Variants in CADM3 observed in about 807,000 individuals in gnomAD.
CADM3 encodes the protein cell adhesion molecule 3.
Under a neutral mutation model 44.9 loss-of-function variants are expected in CADM3, and 11 were observed. The ratio of observed to expected loss-of-function variants is 0.25; its 90% CI spans 0.15 to 0.41. The LOEUF (loss-of-function observed/expected upper bound fraction) is 0.41. Among genes scored for constraint, CADM3 ranks in the 10% least tolerant of loss-of-function variants. The probability of loss-of-function intolerance (pLI) is 1.00; values close to 1 mark genes in which losing one functional copy is unlikely to be tolerated. For synonymous variants in CADM3, 207 were observed against 205.2 expected (o/e 1.01, Z -0.08); for missense variants, 426 against 512.0 (o/e 0.83, Z 1.62).
At chr1:159,192,517 G>C in intron 2 of CADM3, 61 bp from the exon 3 acceptor site, 1 of 1,606,638 alleles carries the variant, frequency 6.2e-7, no homozygotes, top group Non-Finnish European at 8.5e-7. Context: ...GCCTGGGATT[G>C]GAAGGTAAAC....
chr1:159,186,828 G>A (rs2102111989), intron 1 of CADM3, among the ~76,000 whole-genome samples: 1 of 152,218 alleles, frequency 6.6e-6, no homozygotes, highest in East Asian at 1.9e-4. Flanking sequence ...GAAAAAAAAA[G>A]CCACCTCTTA....
rs1423858886 is a variant in CADM3, at chr1:159,192,637, A to G, written c.289A>G (p.Ile97Val). The G allele has an allele frequency of 6.2e-7, 1 of 1,614,208 alleles. No homozygotes were observed. The highest frequency in any genetic ancestry group is 8.5e-7 in the Non-Finnish European group (1 of 1,180,032). ...TACGCCCCACGAGCTCAGCATCAGC[A>G]TCAGCAATGTGGCCCTGGCAGACGA... ...TSTPHELSIS[I>V]SNVALADEGE... Residue 97 changes from isoleucine (I) to valine (V), a missense_variant, in exon 3 of 9, where the codon ATC becomes GTC. Physicochemically the swap from Ile to Val is conservative, Grantham distance 29 (BLOSUM62 3). Transcript: ENST00000368125.
At chr1:159,186,965 A>C (rs1175393488) in intron 1 of CADM3, among the ~76,000 whole-genome samples, 2 of 152,236 alleles carry the variant, frequency 1.3e-5, no homozygotes, top group Non-Finnish European at 2.9e-5. Context: ...TGATCTGAAC[A>C]ATTCAGTTTG....
Position 159,196,907 on chromosome 1 carries a change from T to C in CADM3, c.799T>C (p.Trp267Arg), listed in dbSNP as rs1289804434. ...CCTCGACAGCCCCCAGCAGTACCTA[T>C]GGGAGAAGGAGGGCAGTGTGCCACC... ...RGNPVPQQYL[W>R]EKEGSVPPLK... is the part of the protein sequence containing the mutation. The change falls in exon 7 of 9, where the codon TGG becomes CGG. Residue 267 changes from tryptophan to arginine, a missense_variant. Trp to Arg is a moderately radical substitution (Grantham distance 101, BLOSUM62 -3). This residue lies in a region of CADM3 where 362 missense variants were observed against 474.6 expected (regional missense o/e 0.76). Transcript: ENST00000368125. 2 of 1,613,890 alleles carry C rather than the reference T, an allele frequency of 1.2e-6. No individual in the cohort carries two copies. The highest frequency in any genetic ancestry group is 1.3e-5 in the African/African-American group (1 of 74,850).
intron 8 of CADM3, 39 bp downstream of exon 8, chr1:159,199,915 G>A (rs1413521526): frequency 6.2e-7 from 1 of 1,605,322 alleles, no homozygotes; most frequent in Non-Finnish European, 8.5e-7. Flanking sequence ...AACTTGGGAG[G>A]GGCAGGGAGA....
chr1:159,193,690 C>G, intron 4 of CADM3, 130 bp downstream of exon 4: 1 of 1,442,412 alleles, frequency 6.9e-7, no homozygotes, highest in East Asian at 2.4e-5. Context: ...TTTGTGTGCA[C>G]TCAAGTGCCT....
chr1:159,191,075 C>T (rs1649639517), intron 1 of CADM3, among the ~76,000 whole-genome samples: 1 of 152,148 alleles, frequency 6.6e-6, no homozygotes. Context: ...GAGGGGCTCC[C>T]CGGTAGGCGT....
chr1:159,200,544 ACACACACACACTTCT>A (rs1182852349), intron 8 of CADM3, among the ~76,000 whole-genome samples: 20 of 135,658 alleles, frequency 1.5e-4, no homozygotes, highest in African/African-American at 4.8e-4. Flanking sequence ...ACACACACAC[ACACACACACACTTCT>A]CTTTCTTGCT....
At chr1:159,174,492 G>A (rs953225447) in intron 1 of CADM3, among the ~76,000 whole-genome samples, 2 of 152,214 alleles carry the variant, frequency 1.3e-5, no homozygotes, top group African/African-American at 4.8e-5. Flanking sequence ...TACTCTTATG[G>A]TGATGTTTGA....
rs1039069291 is a variant in CADM3 at position 159,202,390 on chromosome 1, G to A, written c.*1468G>A. On this transcript the variant is annotated 3_prime_UTR_variant, in exon 9 of 9. Transcript: ENST00000368125. Reference sequence around the variant, plus strand: ...ACACAGAGCATTCAGCCCTTCCCTGGATTTCCCTCCTCTGAGCCATGGAGT... The same window carrying A: ...ACACAGAGCATTCAGCCCTTCCCTGAATTTCCCTCCTCTGAGCCATGGAGT... 5 of 152,754 alleles carry A rather than the reference G, an allele frequency of 3.3e-5. No individual in the cohort carries two copies. Among genetic ancestry groups the A allele is most frequent in the Admixed American group, 3.3e-4 (5 of 15,276 alleles). The allele number at this position is 152,754 out of a possible 1,614,324, so 9.5% of individuals were successfully genotyped here.
At chr1:159,193,588 G>T (rs1280084998) in intron 4 of CADM3, 28 bp downstream of exon 4, 11 of 1,613,978 alleles carry the variant, frequency 6.8e-6, no homozygotes, top group African/African-American at 1.3e-5. Context: ...TGGGGTTACA[G>T]GAGAAAGTGG....
chr1:159,199,043 CA>C (rs1197191327), intron 7 of CADM3, among the ~76,000 whole-genome samples: 3 of 152,128 alleles, frequency 2.0e-5, no homozygotes, highest in African/African-American at 7.2e-5. Context: ...TCACCTGCCA[CA>C]AAGGAACAGT....
At chr1:159,185,883 G>C (rs1649398668) in intron 1 of CADM3, among the ~76,000 whole-genome samples, 1 of 152,202 alleles carries the variant, frequency 6.6e-6, no homozygotes, top group African/African-American at 2.4e-5. Context: ...AAATGCATCA[G>C]ACCCTACCTA....
At chr1:159,184,857 C>G (rs1428161146) in intron 1 of CADM3, among the ~76,000 whole-genome samples, 1 of 152,172 alleles carries the variant, frequency 6.6e-6, no homozygotes, top group Non-Finnish European at 1.5e-5. Context: ...TTTAAAGAAG[C>G]ACATTAGTAA....
intron 1 of CADM3, among the ~76,000 whole-genome samples, chr1:159,184,898 T>C (rs1649361485): frequency 6.6e-6 from 1 of 152,172 alleles, no homozygotes; most frequent in Non-Finnish European, 1.5e-5. Context: ...CCACTCTTAA[T>C]ATGAACAATC....
Position 159,193,964 on chromosome 1 carries a change from G to A in CADM3, c.615G>A (p.Ala205=), listed in dbSNP as rs367893559. ...TFQVTREDDG[A]SIVCSVNHES... ...AGGTTACCCGGGAGGATGATGGGGC[G>A]AGCATCGTGTGCTCTGTGAACCATG... Residue 205 remains alanine, a synonymous_variant, in exon 5 of 9, where the codon GCG becomes GCA. Coordinates refer to ENST00000368125, the MANE Select transcript of CADM3 (RefSeq NM_001127173.3). 2.7e-5 allele frequency: 43 copies of A among 1,614,034 alleles called. No homozygotes were observed. In the Middle Eastern group the frequency reaches 6.6e-4, roughly 25 times the overall value.
chr1:159,183,379 G>C (rs1310671280), intron 1 of CADM3, among the ~76,000 whole-genome samples: 4 of 152,132 alleles, frequency 2.6e-5, no homozygotes, highest in African/African-American at 7.2e-5. Flanking sequence ...AGTTTATCAA[G>C]AGGCTGCTTG....
In CADM3 at chr1:159,191,923, T is replaced by C; in HGVS notation, c.89-13T>C. On this transcript the variant is annotated splice_polypyrimidine_tract_variant and intron_variant, in intron 1 of 8. Transcript: ENST00000368125. ...GGGGTCCTCAGGAAACTAACACTCT[T>C]CTACTCCTGCAGACAGCCAGCCCTG... is the stretch of plus-strand genomic sequence containing the variant. 6.2e-7 allele frequency: 1 copy of C among 1,613,852 alleles called. No individual in the cohort carries two copies. Among genetic ancestry groups the C allele is most frequent in the Non-Finnish European group, 8.5e-7 (1 of 1,179,942 alleles).
chr1:159,199,592 G>A (rs952587488), intron 7 of CADM3, among the ~76,000 whole-genome samples, 159 bp from the exon 8 acceptor site: 2 of 152,102 alleles, frequency 1.3e-5, no homozygotes, highest in Non-Finnish European at 2.9e-5. Flanking sequence ...TACAGGTGTG[G>A]CGTATAAGCA....
Sources: gnomAD v4.1 joint callset for allele counts (sites outside exome capture counted in the v4.1 genomes callset) on GRCh38, gnomAD v4.1.1 for gene constraint, gnomAD v4.1.1 regional missense constraint, MANE v1.5 for transcripts, NCBI Gene and HGNC (gene_info 2026-07-23, HGNC 2026-07-21) for gene names.